The following PPEF1 variants were observed in gnomAD, a reference collection of about 807,000 sequenced individuals.
PPEF1 encodes the protein serine/threonine-protein phosphatase with EF-hands 1.
A neutral mutation model predicts 53.3 loss-of-function variants in PPEF1; 12 were observed. The observed-to-expected ratio is 0.23, with a 90% CI of 0.14 to 0.36. The LOEUF (loss-of-function observed/expected upper bound fraction) is 0.36. Among genes scored for constraint, PPEF1 ranks in the 10% least tolerant of loss-of-function variants. The pLI, the probability that PPEF1 is intolerant of heterozygous loss-of-function variation, is 1.00. For synonymous variants in PPEF1, 165 were observed against 176.7 expected, an observed-to-expected ratio of 0.93 and a Z score of 0.52; for missense variants, 334 against 490.4, an observed-to-expected ratio of 0.68 and a Z score of 3.01.
At chrX:18,680,350 A>T (rs1486038708), upstream of PPEF1, among the ~76,000 whole-genome samples, 1 of 106,637 alleles carries the variant, frequency 9.4e-6, no homozygotes, top group Non-Finnish European at 1.9e-5. Flanking sequence ...GAAAATTGCT[A>T]TTATTCTTTT....
chrX:18,811,644 G>T (rs763083711), intron 12 of PPEF1, among the ~76,000 whole-genome samples: 55 of 91,866 alleles, frequency 6.0e-4, no homozygotes, highest in Admixed American at 8.4e-4. Context: ...TTGAGACAGG[G>T]TCTCACTTTG....
chrX:18,787,565 A>T (rs1051152591), intron 9 of PPEF1, among the ~76,000 whole-genome samples: 1 of 110,451 alleles, frequency 9.1e-6, no homozygotes, highest in East Asian at 2.8e-4. Context: ...TGGCCTTGAA[A>T]ACTTCAGAGC....
chrX:18,709,970 C>A (rs766222919), intron 1 of PPEF1, among the ~76,000 whole-genome samples: 9 of 111,874 alleles, frequency 8.0e-5, no homozygotes, highest in Non-Finnish European at 1.5e-4. Context: ...ACATTCCTAC[C>A]AGCAGTGTAT....
chrX:18,676,007 GC>G (rs1928663277), exon 1 of PPEF1: 2 of 103,542 alleles, frequency 1.9e-5, no homozygotes, highest in Non-Finnish European at 3.9e-5. Context: ...TCTGCAGGCA[GC>G]AGCTGTCCTT....
chrX:18,791,158 A>T (rs1412867768), intron 10 of PPEF1, among the ~76,000 whole-genome samples: 1 of 111,938 alleles, frequency 8.9e-6, no homozygotes, highest in Non-Finnish European at 1.9e-5. Context: ...GGAAGTTTTA[A>T]CATTGGGAAG....
chrX:18,735,772 C>T (rs2147390193), intron 3 of PPEF1, among the ~76,000 whole-genome samples: 1 of 111,747 alleles, frequency 8.9e-6, no homozygotes, highest in African/African-American at 3.3e-5. Flanking sequence ...ACAGAATGTC[C>T]TTCCATTTGT....
At chrX:18,748,839 C>G (rs1031757757) in intron 3 of PPEF1, among the ~76,000 whole-genome samples, 10 of 111,824 alleles carry the variant, frequency 8.9e-5, no homozygotes, top group Non-Finnish European at 1.5e-4. Flanking sequence ...CCAGAGAGAC[C>G]TGAGCTTGGA....
At chrX:18,743,042 C>T (rs1395824302) in intron 3 of PPEF1, among the ~76,000 whole-genome samples, 1 of 111,760 alleles carries the variant, frequency 8.9e-6, no homozygotes, top group East Asian at 2.8e-4. Context: ...AAACAAGTCA[C>T]AAGGCCAGAC....
At chrX:18,711,243 T>A (rs2044319601) in intron 1 of PPEF1, among the ~76,000 whole-genome samples, 2 of 101,765 alleles carry the variant, frequency 2.0e-5, no homozygotes, top group Non-Finnish European at 3.9e-5. Context: ...ATGTTCTCAC[T>A]TAAAAGTGGG....
At chrX:18,745,832 T>A (rs1387109378) in intron 3 of PPEF1, among the ~76,000 whole-genome samples, 2 of 112,478 alleles carry the variant, frequency 1.8e-5, no homozygotes. Flanking sequence ...TCTATTGAAT[T>A]TATTATATGG....
At chrX:18,694,290 T>C (rs1272399332) in intron 4 of PPEF1, among the ~76,000 whole-genome samples, 2 of 111,870 alleles carry the variant, frequency 1.8e-5, no homozygotes, top group African/African-American at 6.5e-5. Context: ...TTCTCTAGGA[T>C]AGCTACCCAG....
intron 1 of PPEF1, among the ~76,000 whole-genome samples, chrX:18,677,479 C>T (rs754727039): frequency 8.9e-6 from 1 of 111,996 alleles, no homozygotes; most frequent in Admixed American, 9.5e-5. Context: ...CCAAGAAGAA[C>T]ACATCCAAGC....
intron 1 of PPEF1, among the ~76,000 whole-genome samples, chrX:18,722,396 C>T (rs1490515517): frequency 8.9e-6 from 1 of 112,075 alleles, no homozygotes; most frequent in Non-Finnish European, 1.9e-5. Flanking sequence ...ATTAAATATT[C>T]GCTAATCCTG....
chrX:18,825,545 T>A (rs752811176), intron 14 of PPEF1, among the ~76,000 whole-genome samples: 1 of 112,376 alleles, frequency 8.9e-6, no homozygotes, highest in African/African-American at 3.2e-5. Flanking sequence ...TAGTTACTGC[T>A]GCCTTATTCA....
chrX:18,679,358 G>A (rs746150765), upstream of PPEF1, among the ~76,000 whole-genome samples: 9 of 112,157 alleles, frequency 8.0e-5, no homozygotes, highest in Non-Finnish European at 1.5e-4. Context: ...GATTACAGGC[G>A]TGAGCCACCG....
intron 6 of PPEF1, among the ~76,000 whole-genome samples, chrX:18,777,725 C>T (rs1390502051): frequency 1.9e-5 from 2 of 106,596 alleles, no homozygotes; most frequent in African/African-American, 6.9e-5. Flanking sequence ...GGGGTTTCAC[C>T]GTGTGTTAGC....
At position 18,730,673 on chromosome X, in the gene PPEF1, C is replaced by G. The variant is rs151182441; in HGVS notation, c.174+365C>G. 6.0e-3 allele frequency among the ~76,000 whole-genome samples: 666 copies of G among 110,362 alleles called. 9 individuals are homozygous for G. The highest frequency in any genetic ancestry group is 0.02 in the African/African-American group (624 of 30,526). On this transcript the variant is annotated intron_variant, in intron 2 of 15. Coordinates refer to ENST00000470157, the MANE Select transcript of PPEF1 (RefSeq NM_001377996.1). ...GGCAGAATTTCCTAGCAACAAACCT[C>G]TGCAAGCTCTAGAAGAAAATATACA...
At chrX:18,809,034 T>C (rs922917771) in intron 12 of PPEF1, among the ~76,000 whole-genome samples, 2 of 109,921 alleles carry the variant, frequency 1.8e-5, no homozygotes, top group Non-Finnish European at 3.8e-5. Flanking sequence ...AAAAAGAAAG[T>C]GTGACTGATA....
At chrX:18,714,878 A>G (rs2044419520) in intron 1 of PPEF1, among the ~76,000 whole-genome samples, 1 of 112,092 alleles carries the variant, frequency 8.9e-6, no homozygotes, top group Admixed American at 9.5e-5. Flanking sequence ...AAGGGAACAC[A>G]GCAAGTCACA....
Sources: allele counts gnomAD v4.1 joint callset (sites outside exome capture counted in the v4.1 genomes callset), GRCh38; gene constraint gnomAD v4.1.1; transcripts MANE v1.5; gene names NCBI Gene and HGNC (gene_info 2026-07-23, HGNC 2026-07-21).